Variants in PIGZ observed in about 807,000 individuals in gnomAD.
The protein encoded by PIGZ is GPI alpha-1,2-mannosyltransferase 4.
PIGZ carries 16 observed loss-of-function variants against 16.4 expected under a neutral mutation model. That is an observed-to-expected ratio of 0.97 (90% confidence interval 0.66 to 1.48). The LOEUF (loss-of-function observed/expected upper bound fraction) is 1.48, where lower values mean the gene tolerates loss of function less well. Ranked by LOEUF, PIGZ falls within the 40% of genes most tolerant of loss-of-function variation. PIGZ has a pLI of 0.00. For synonymous variants in PIGZ, 409 were observed against 338.4 expected (o/e 1.21, Z -2.29); for missense variants, 770 against 739.2 (o/e 1.04, Z -0.48).
At chr3:196,967,711 GA>G (rs1260897629) in intron 1 of PIGZ, among the ~76,000 whole-genome samples, 2 of 152,214 alleles carry the variant, frequency 1.3e-5, no homozygotes, top group Non-Finnish European at 2.9e-5. Context: ...TGAAGCACGG[GA>G]AGATCTGATG....
chr3:196,946,666 C>G lies in PIGZ; in HGVS notation c.*491G>C, dbSNP rs1231947048. The stretch of plus-strand genomic sequence containing the variant: ...ACCAAGGGGCCAGAAGTTGGGTCCC[C>G]TGGATCTGGGCCACCTGTTCTCTAT... On this transcript the variant is annotated 3_prime_UTR_variant, in exon 3 of 3. Transcript: ENST00000412723. 6.6e-6 allele frequency: 1 copy of G among 152,414 alleles called. No individual in the cohort carries two copies. The highest frequency in any genetic ancestry group is 1.5e-5 in the Non-Finnish European group (1 of 68,186). 9.4% of individuals were successfully genotyped at this position (152,414 alleles called of 1,614,324 possible).
intron 1 of PIGZ, among the ~76,000 whole-genome samples, chr3:196,962,931 G>A (rs898469293): frequency 8.5e-5 from 13 of 152,156 alleles, no homozygotes; most frequent in African/African-American, 2.9e-4. Flanking sequence ...GCTGAGTGCC[G>A]GTCCCCTGGG....
intron 1 of PIGZ, among the ~76,000 whole-genome samples, chr3:196,967,294 T>C (rs1395011326): frequency 6.6e-6 from 1 of 152,168 alleles, no homozygotes; most frequent in African/African-American, 2.4e-5. Context: ...CAGAACCGTG[T>C]CTGCTCCAGG....
In PIGZ at chr3:196,950,006, G is replaced by C. The variant is rs566146903; in HGVS notation, c.212-1321C>G. Among the ~76,000 whole-genome samples, 8 of 150,282 alleles carry C rather than the reference G, an allele frequency of 5.3e-5. No individual in the cohort carries two copies. The East Asian group carries it at 1.4e-3, about 26-fold the overall frequency. ...CAATACTTAAATTTTTTTTTTTTTA[G>C]ACAGAGTCTCACTCTGTCACGCATG... On this transcript the variant is annotated intron_variant, in intron 2 of 2. Transcript: ENST00000412723.
Position 196,948,307 on chromosome 3 carries a change from G to A in PIGZ, c.590C>T (p.Thr197Met), listed in dbSNP as rs768516681. ...CGGCTCCTTGCGTGTAGGGCCCCAC[G>A]TTACATGGGAGGATACCAGCACCAG... is the stretch of plus-strand genomic sequence containing the variant. ...WLLVLVSSHV[T>M]WGPTRKEPAP... is the part of the protein sequence containing the mutation. Residue 197 changes from threonine to methionine, a missense_variant, in exon 3 of 3, where the codon ACG becomes ATG. Transcript: ENST00000412723. 18 of 1,614,014 alleles carry A rather than the reference G, an allele frequency of 1.1e-5. No individual in the cohort carries two copies. The highest frequency in any genetic ancestry group is 2.2e-5 in the South Asian group (2 of 91,086).
Position 196,947,065 on chromosome 3 carries a change from C to T in PIGZ, c.*92G>A. ...GGGAGTCATGAAGGAGGACGGGGTC[C>T]TGTCCCAGCGTCCCAGCCCAGCTAC... On this transcript the variant is annotated 3_prime_UTR_variant, in exon 3 of 3. Coordinates refer to ENST00000412723, the MANE Select transcript of PIGZ (RefSeq NM_025163.4). The T allele has an allele frequency of 8.4e-7, 1 of 1,194,472 alleles. No homozygotes were observed. Among genetic ancestry groups the T allele is most frequent in the Non-Finnish European group, 1.2e-6 (1 of 855,048 alleles). 74.0% of individuals were successfully genotyped at this position (1,194,472 alleles called of 1,614,324 possible). A position where few individuals can be genotyped will look rare whatever the true frequency, so the allele number is the denominator to read the frequency against.
chr3:196,959,577 C>A (rs1466472989), intron 1 of PIGZ, among the ~76,000 whole-genome samples: 1 of 152,186 alleles, frequency 6.6e-6, no homozygotes, highest in Non-Finnish European at 1.5e-5. Flanking sequence ...CTTAGAAAAA[C>A]AACCAACCAA....
intron 1 of PIGZ, 111 bp from the exon 2 acceptor site, chr3:196,952,142 T>C (rs1393256755): frequency 5.9e-6 from 6 of 1,019,928 alleles, no homozygotes; most frequent in African/African-American, 1.6e-5. Flanking sequence ...ATAATAATAA[T>C]AGCTACTTCA....
In PIGZ at chr3:196,947,358, C is replaced by T. The variant is rs1249400786; in HGVS notation, c.1539G>A (p.Gly513=). 1.2e-6 allele frequency: 2 copies of T among 1,614,094 alleles called. No homozygotes were observed. The highest frequency in any genetic ancestry group is 8.5e-7 in the Non-Finnish European group (1 of 1,180,054). Residue 513 remains glycine, a synonymous_variant, in exon 3 of 3, where the codon GGG becomes GGA. Transcript: ENST00000412723. ...CCACAAAGAGGCGGCAGAGCCATGG[C>T]CCACCAGCCACTTGGCAGGCTGGTT... The part of the protein sequence containing the change: ...TRQPACQVAG[G]PWLCRLFVVT...
intron 1 of PIGZ, among the ~76,000 whole-genome samples, chr3:196,956,482 G>A (rs1717494377): frequency 6.6e-6 from 1 of 152,160 alleles, no homozygotes; most frequent in South Asian, 2.1e-4. Context: ...ACAGTATGAG[G>A]GAAACCACCC....
rs1345848338 is a variant in PIGZ at position 196,947,643 on chromosome 3, G to A, written c.1254C>T (p.Leu418=). The stretch of plus-strand genomic sequence containing the variant: ...AGAGGAGGGCACCGAGGGCGTTGAA[G>A]AGGACCACAGTGCCCTTCCAAGGCA... The part of the protein sequence containing the change: ...QPVPWKGTVV[L]FNALGALLFG... Residue 418 remains leucine (L), a synonymous_variant, in exon 3 of 3, where the codon CTC becomes CTT. Coordinates refer to ENST00000412723, the MANE Select transcript of PIGZ (RefSeq NM_025163.4). The A allele has an allele frequency of 6.2e-7, 1 of 1,611,938 alleles. No individual in the cohort carries two copies. The highest frequency in any genetic ancestry group is 1.7e-5 in the Admixed American group (1 of 59,884).
chr3:196,961,696 G>T (rs934108372), intron 1 of PIGZ, among the ~76,000 whole-genome samples: 1 of 152,176 alleles, frequency 6.6e-6, no homozygotes, highest in Non-Finnish European at 1.5e-5. Flanking sequence ...CTCTTTGTGT[G>T]GACATAATCC....
At chr3:196,961,370 C>T (rs929526665) in intron 1 of PIGZ, among the ~76,000 whole-genome samples, 1 of 152,178 alleles carries the variant, frequency 6.6e-6, no homozygotes, top group Non-Finnish European at 1.5e-5. Context: ...GCAGCTAATT[C>T]CCTATATTAA....
intron 1 of PIGZ, among the ~76,000 whole-genome samples, chr3:196,954,178 G>A (rs1268898772): frequency 6.6e-6 from 1 of 152,092 alleles, no homozygotes; most frequent in African/African-American, 2.4e-5. Flanking sequence ...CCAGCTACTC[G>A]GGTGGCTAAG....
In PIGZ at chr3:196,948,533, C is replaced by G; in HGVS notation, c.364G>C (p.Gly122Arg). ...CGAGGCCCCACCAGCAGCGCATAGC[C>G]GCTCACCAGGCCAGGCCACGGCCCC... The part of the protein sequence containing the change: ...ELGPWPGLVS[G>R]YALLVGPRLL... Residue 122 changes from glycine (G) to arginine (R), a missense_variant, in exon 3 of 3, where the codon GGC becomes CGC. Transcript: ENST00000412723. The G allele has an allele frequency of 3.7e-6, 6 of 1,610,036 alleles. No homozygotes were observed. Among genetic ancestry groups the G allele is most frequent in the South Asian group, 1.1e-5 (1 of 90,670 alleles).
In PIGZ at chr3:196,948,689, CAG is replaced by C. The variant is rs1216427669; in HGVS notation, c.212-6_212-5del. 16 of 1,445,194 alleles carry C rather than the reference CAG, an allele frequency of 1.1e-5. No individual in the cohort carries two copies. Among genetic ancestry groups the C allele is most frequent in the Non-Finnish European group, 1.5e-5 (16 of 1,101,862 alleles). The allele number at this position is 1,445,194 out of a possible 1,614,324, so 89.5% of individuals were successfully genotyped here. A position where few individuals can be genotyped will look rare whatever the true frequency, so the allele number is the denominator to read the frequency against. On this transcript the variant is annotated splice_polypyrimidine_tract_variant and splice_region_variant and intron_variant, in intron 2 of 2. Transcript: ENST00000412723. ...GCCTGAACGCCCAGGATGTCCTCTG[CAG>C]AGAGAGGCAGAGGTGAGCCAGTACC...
chr3:196,962,030 C>T lies in PIGZ; in HGVS notation c.-1+6657G>A, dbSNP rs567043591. ...TCCTGAACTTCCATATGAATGAAAT[C>T]GTAAGGTCTGTATGGGGAAAAGAAA... On this transcript the variant is annotated intron_variant, in intron 1 of 2. Transcript: ENST00000412723. 3.9e-5 allele frequency among the ~76,000 whole-genome samples: 6 copies of T among 152,180 alleles called. No individual in the cohort carries two copies. The South Asian group carries it at 1.0e-3, about 26-fold the overall frequency.
At chr3:196,954,192 T>G (rs1430578124) in intron 1 of PIGZ, among the ~76,000 whole-genome samples, 2 of 151,958 alleles carry the variant, frequency 1.3e-5, no homozygotes, top group Non-Finnish European at 2.9e-5. Context: ...GGCTAAGGCA[T>G]GAGAATTGCT....
intron 1 of PIGZ, among the ~76,000 whole-genome samples, chr3:196,962,326 A>G (rs1326970262): frequency 6.6e-6 from 1 of 152,176 alleles, no homozygotes; most frequent in African/African-American, 2.4e-5. Flanking sequence ...CAGGGACACA[A>G]TGCACTGTGG....
Sources: gnomAD v4.1 joint callset for allele counts (sites outside exome capture counted in the v4.1 genomes callset) on GRCh38, gnomAD v4.1.1 for gene constraint, MANE v1.5 for transcripts, NCBI Gene and HGNC (gene_info 2026-07-23, HGNC 2026-07-21) for gene names.